The following PDE9A variants were observed in gnomAD, a reference collection of about 807,000 sequenced individuals.
PDE9A encodes high affinity cGMP-specific 3',5'-cyclic phosphodiesterase 9A.
In PDE9A, 60 loss-of-function variants were observed where a neutral mutation model predicts 87.4. The observed-to-expected ratio is 0.69, with a 90% CI of 0.56 to 0.85. The LOEUF is 0.85. PDE9A is among the 40% of genes least tolerant of loss of function. The pLI, the probability that PDE9A is intolerant of heterozygous loss-of-function variation, is 0.00. For synonymous variants in PDE9A, 272 were observed against 279.4 expected, an observed-to-expected ratio of 0.97 and a Z score of 0.27; for missense variants, 665 against 779.0, an observed-to-expected ratio of 0.85 and a Z score of 1.74.
At chr21:42,774,734 T>C (rs1238102948) in intron 19 of PDE9A, among the ~76,000 whole-genome samples, 1 of 151,498 alleles carries the variant, frequency 6.6e-6, no homozygotes, top group Admixed American at 6.6e-5. Flanking sequence ...ACACAAAAAT[T>C]AGCCAGCTGT....
chr21:42,684,974 T>C (rs1466746898), intron 1 of PDE9A, among the ~76,000 whole-genome samples: 1 of 134,758 alleles, frequency 7.4e-6, no homozygotes, highest in Non-Finnish European at 1.5e-5. Context: ...AGAAAACTAA[T>C]CTTAGCTTAA....
chr21:42,673,659 C>T lies in PDE9A; in HGVS notation c.70-12533C>T, dbSNP rs372132894. Among the ~76,000 whole-genome samples, 38 of 152,260 alleles carry T rather than the reference C, an allele frequency of 2.5e-4. No individual in the cohort carries two copies. In the South Asian group the frequency reaches 6.2e-3, roughly 25 times the overall value. ...AACAAGAGGGTTCTTGTGTGAGTTC[C>T]GCATTTGGATTTGGGGGTTCGAGGT... On this transcript the variant is annotated intron_variant, in intron 1 of 19. Coordinates refer to ENST00000291539, the MANE Select transcript of PDE9A (RefSeq NM_002606.3).
At chr21:42,775,227 A>T in intron 19 of PDE9A, 53 bp from the exon 20 acceptor site, 2 of 1,597,104 alleles carry the variant, frequency 1.3e-6, no homozygotes, top group Non-Finnish European at 1.7e-6. Context: ...GGTGTGAGCC[A>T]CCGCGCCCTA....
In PDE9A at chr21:42,760,530, C is replaced by T. The variant is rs1309378925; in HGVS notation, c.1002+98C>T. 2.6e-6 allele frequency: 2 copies of T among 766,926 alleles called. No individual in the cohort carries two copies. Among genetic ancestry groups the T allele is most frequent in the Non-Finnish European group, 2.2e-6 (1 of 458,998 alleles). The allele number at this position is 766,926 out of a possible 1,614,324, so 47.5% of individuals were successfully genotyped here. Reference sequence around the variant, plus strand: ...CAGCCCCATCCCACCAAGAGAGCCACAGGCGTGGGGTCCCCAGCCGCTCCG... The same window carrying T: ...CAGCCCCATCCCACCAAGAGAGCCATAGGCGTGGGGTCCCCAGCCGCTCCG... On this transcript the variant is annotated intron_variant, in intron 12 of 19. Transcript: ENST00000291539. The surrounding 1 kb of genome is among the most constrained non-coding windows in gnomAD (Gnocchi z 5.2).
At chr21:42,668,772 G>A (rs914144122) in intron 1 of PDE9A, among the ~76,000 whole-genome samples, 2 of 152,140 alleles carry the variant, frequency 1.3e-5, no homozygotes, top group Admixed American at 6.5e-5. Flanking sequence ...AAATCCCACC[G>A]TCAGGCCAGG....
At chr21:42,766,493 T>C (rs900738939) in intron 15 of PDE9A, among the ~76,000 whole-genome samples, 2 of 152,122 alleles carry the variant, frequency 1.3e-5, no homozygotes, top group Middle Eastern at 3.4e-3. Flanking sequence ...TCCAGAGAGG[T>C]TGAAAGATAG....
chr21:42,691,179 C>CA (rs2059813551), intron 3 of PDE9A, among the ~76,000 whole-genome samples: 1 of 151,648 alleles, frequency 6.6e-6, no homozygotes, highest in African/African-American at 2.4e-5. Context: ...CCAAAGTCAC[C>CA]AGCCCCTTTA....
At chr21:42,769,556 A>G (rs1457163303) in intron 17 of PDE9A, among the ~76,000 whole-genome samples, 1 of 108,924 alleles carries the variant, frequency 9.2e-6, no homozygotes, top group African/African-American at 4.2e-5. Context: ...ATGCACACAC[A>G]GGCACACACA....
At chr21:42,732,889 G>A (rs1351526837) in intron 6 of PDE9A, among the ~76,000 whole-genome samples, 1 of 152,232 alleles carries the variant, frequency 6.6e-6, no homozygotes, top group African/African-American at 2.4e-5. Context: ...ACTCCAGCCT[G>A]GGCAAGAGTG....
intron 8 of PDE9A, among the ~76,000 whole-genome samples, chr21:42,746,548 G>T (rs1230920450): frequency 6.6e-6 from 1 of 152,188 alleles, no homozygotes. Flanking sequence ...TGGAGTAGGG[G>T]TCACCCTCCT....
chr21:42,762,022 C>A (rs896761752), intron 13 of PDE9A, 61 bp from the exon 14 acceptor site: 1 of 1,527,536 alleles, frequency 6.5e-7, no homozygotes. Flanking sequence ...GGTGTTGCTC[C>A]CCCGTGCAGG....
intron 4 of PDE9A, among the ~76,000 whole-genome samples, chr21:42,726,624 A>ATATATATATATATATATTTTTTTTTTT: frequency 5.6e-4 from 11 of 19,770 alleles, no homozygotes; most frequent in Non-Finnish European, 7.5e-4. Flanking sequence ...ATATATATAT[A>ATATATATATATATATATTTTTTTTTTT]TTTTTTTTTT....
rs2056818538 is a variant in PDE9A, at chr21:42,653,736, G to GC, written c.-78dup. 2.2e-5 allele frequency: 8 copies of GC among 370,182 alleles called. No homozygotes were observed. Among genetic ancestry groups the GC allele is most frequent in the East Asian group, 1.8e-4 (1 of 5,598 alleles). 22.9% of individuals were successfully genotyped at this position (370,182 alleles called of 1,614,324 possible). The stretch of plus-strand genomic sequence containing the variant: ...CCGCCCCCCGCCCGCCCCCTCCCCT[G>GC]CTCCCCTCCCCCGCCTCCCGCGGCG... On this transcript the variant is annotated 5_prime_UTR_variant, in exon 1 of 20. Transcript: ENST00000291539.
chr21:42,719,897 A>C (rs1168569730), intron 4 of PDE9A, among the ~76,000 whole-genome samples: 1 of 152,328 alleles, frequency 6.6e-6, no homozygotes, highest in East Asian at 1.9e-4. Flanking sequence ...ACATTCTGTC[A>C]TTTGTACCAT....
Position 42,704,272 on chromosome 21 carries a change from G to A in PDE9A, c.262+5261G>A, listed in dbSNP as rs1163188505. Reference sequence around the variant, plus strand: ...AGGGGAGCTGCATTTTCCTAGCAGCGACAACCCCTCCCACATCTCCATAGT... The same window carrying A: ...AGGGGAGCTGCATTTTCCTAGCAGCAACAACCCCTCCCACATCTCCATAGT... On this transcript the variant is annotated intron_variant, in intron 4 of 19. Transcript: ENST00000291539. This position sits in a 1 kb window ranked among gnomAD's most constrained non-coding sequence, Gnocchi z 5.3. 1.3e-5 allele frequency among the ~76,000 whole-genome samples: 2 copies of A among 152,144 alleles called. No homozygotes were observed. Among genetic ancestry groups the A allele is most frequent in the African/African-American group, 2.4e-5 (1 of 41,446 alleles).
intron 15 of PDE9A, among the ~76,000 whole-genome samples, chr21:42,766,046 C>G (rs1455130244): frequency 6.6e-6 from 1 of 152,174 alleles, no homozygotes; most frequent in East Asian, 1.9e-4. Context: ...CCAAGGCACA[C>G]AAGGACCAGA....
chr21:42,680,842 A>G (rs2059130787), intron 1 of PDE9A, among the ~76,000 whole-genome samples: 1 of 152,220 alleles, frequency 6.6e-6, no homozygotes, highest in Non-Finnish European at 1.5e-5. Context: ...CAGAGGAGCC[A>G]GGTGTTCGTT....
At chr21:42,686,815 A>AAAAT (rs904376292) in intron 2 of PDE9A, among the ~76,000 whole-genome samples, 27 of 152,100 alleles carry the variant, frequency 1.8e-4, no homozygotes, top group African/African-American at 4.8e-4. Context: ...ACTCCGCCTC[A>AAAAT]AAATAAATAA....
At chr21:42,681,290 C>T (rs943600361) in intron 1 of PDE9A, among the ~76,000 whole-genome samples, 14 of 152,242 alleles carry the variant, frequency 9.2e-5, no homozygotes, top group Admixed American at 9.2e-4. Context: ...ACTGCTCCTT[C>T]CATTACGTGG....
Sources: allele counts gnomAD v4.1 joint callset (sites outside exome capture counted in the v4.1 genomes callset), GRCh38; gene constraint gnomAD v4.1.1; non-coding constraint Gnocchi (gnomAD v3.1); transcripts MANE v1.5; gene names NCBI Gene and HGNC (gene_info 2026-07-23, HGNC 2026-07-21).